Variants in STPG2 observed in about 807,000 individuals in gnomAD.
STPG2 encodes sperm-tail PG-rich repeat-containing protein 2.
A neutral mutation model predicts 54.2 loss-of-function variants in STPG2; 56 were observed. That is an observed-to-expected ratio of 1.03 (90% confidence interval 0.83 to 1.29). The LOEUF (loss-of-function observed/expected upper bound fraction) is 1.29. Ranked by LOEUF, STPG2 falls within the 50% of genes most tolerant of loss-of-function variation. STPG2 has a pLI of 0.00. For synonymous variants in STPG2, 200 were observed against 181.8 expected (o/e 1.10, Z -0.81); for missense variants, 596 against 544.9 (o/e 1.09, Z -0.93).
intron 6 of STPG2, among the ~76,000 whole-genome samples, chr4:97,976,266 A>G (rs186028867): frequency 1.3e-4 from 20 of 152,296 alleles, no homozygotes; most frequent in Admixed American, 1.1e-3. Context: ...GATAAACACA[A>G]AGTATAATGA....
At chr4:97,906,549 C>T (rs1041336653) in intron 8 of STPG2, among the ~76,000 whole-genome samples, 1 of 152,136 alleles carries the variant, frequency 6.6e-6, no homozygotes, top group Non-Finnish European at 1.5e-5. Flanking sequence ...CAAAGCCTGG[C>T]AGAGACACAA....
At chr4:97,762,492 A>G (rs1462084621) in intron 9 of STPG2, among the ~76,000 whole-genome samples, 1 of 152,166 alleles carries the variant, frequency 6.6e-6, no homozygotes, top group East Asian at 1.9e-4. Flanking sequence ...CTCCCTATGA[A>G]AAGAATCCCA....
chr4:97,966,376 A>G (rs1170118358), intron 7 of STPG2, among the ~76,000 whole-genome samples: 1 of 152,236 alleles, frequency 6.6e-6, no homozygotes, highest in Middle Eastern at 3.2e-3. Context: ...GGACTATGTG[A>G]AAAGAATAAA....
intron 4 of STPG2, among the ~76,000 whole-genome samples, chr4:97,464,375 G>A (rs1729739275): frequency 6.6e-6 from 1 of 152,092 alleles, no homozygotes; most frequent in Non-Finnish European, 1.5e-5. Context: ...ACTAGTAGTG[G>A]TGCCACTGTT....
At chr4:97,552,639 A>G (rs1169206496) in intron 4 of STPG2, among the ~76,000 whole-genome samples, 1 of 152,166 alleles carries the variant, frequency 6.6e-6, no homozygotes, top group Non-Finnish European at 1.5e-5. Context: ...CAAAACATAT[A>G]TGTTGAAATT....
chr4:97,827,183 C>T (rs112957089), intron 9 of STPG2, among the ~76,000 whole-genome samples: 6 of 150,856 alleles, frequency 4.0e-5, no homozygotes, highest in Admixed American at 1.3e-4. Flanking sequence ...TAAAATGTTG[C>T]TGATCCTTTG....
intron 4 of STPG2, among the ~76,000 whole-genome samples, chr4:97,452,120 ACC>A (rs70953067): frequency 0.049 from 954 of 19,410 alleles, 19 homozygotes; most frequent in South Asian, 0.13. Context: ...CCCCGCCCCC[ACC>A]CCCCCCCCCC....
At chr4:98,036,003 G>A (rs1439500767) in intron 5 of STPG2, among the ~76,000 whole-genome samples, 1 of 151,986 alleles carries the variant, frequency 6.6e-6, no homozygotes, top group Non-Finnish European at 1.5e-5. Flanking sequence ...TAGATGATGG[G>A]TTTATGGGTG....
At chr4:97,712,387 T>C (rs1724150409) in intron 10 of STPG2, among the ~76,000 whole-genome samples, 1 of 152,142 alleles carries the variant, frequency 6.6e-6, no homozygotes. Flanking sequence ...ACTAAGAGAT[T>C]TCAATGTATG....
intron 10 of STPG2, among the ~76,000 whole-genome samples, chr4:97,567,759 GATAAA>G (rs1402307667): frequency 2.0e-5 from 3 of 151,928 alleles, no homozygotes; most frequent in Admixed American, 6.6e-5. Context: ...ATTACATATA[GATAAA>G]ATAAAGAATA....
intron 10 of STPG2, among the ~76,000 whole-genome samples, chr4:97,626,508 T>C (rs1474915966): frequency 6.6e-6 from 1 of 152,234 alleles, no homozygotes; most frequent in Admixed American, 6.5e-5. Context: ...CATAAGTTGG[T>C]AATTAGTCTT....
chr4:97,688,427 C>T (rs993651878), intron 10 of STPG2, among the ~76,000 whole-genome samples: 12 of 152,090 alleles, frequency 7.9e-5, no homozygotes, highest in Non-Finnish European at 1.5e-4. Context: ...AGTACAGTAG[C>T]GCAATCTCGG....
At chr4:97,814,360 ACTCTGTCACCCAGG>A in intron 9 of STPG2, among the ~76,000 whole-genome samples, 1 of 151,964 alleles carries the variant, frequency 6.6e-6, no homozygotes, top group East Asian at 1.9e-4. Flanking sequence ...ACAGAGTCTC[ACTCTGTCACCCAGG>A]CTGGAGTGCA....
chr4:97,815,282 C>A (rs113976364), intron 9 of STPG2, among the ~76,000 whole-genome samples: 2,759 of 152,064 alleles, frequency 0.018, 76 homozygotes, highest in African/African-American at 0.063. Context: ...CTTGACTATC[C>A]CTTATCCAAA....
intron 8 of STPG2, among the ~76,000 whole-genome samples, chr4:97,933,566 T>A (rs542333055): frequency 1.3e-5 from 2 of 152,344 alleles, no homozygotes; most frequent in Admixed American, 1.3e-4. Context: ...GGATCCAGTT[T>A]CAATTTTCTG....
chr4:98,127,891 T>C (rs1019926122), intron 3 of STPG2, among the ~76,000 whole-genome samples: 1 of 152,214 alleles, frequency 6.6e-6, no homozygotes, highest in Admixed American at 6.5e-5. Context: ...CAAATTCTTT[T>C]AAAAATAAAA....
intron 8 of STPG2, among the ~76,000 whole-genome samples, chr4:97,923,585 A>G (rs895700073): frequency 3.9e-5 from 6 of 152,200 alleles, no homozygotes; most frequent in Non-Finnish European, 7.3e-5. Context: ...AAATGCATCA[A>G]TCAGCACTCT....
intron 9 of STPG2, among the ~76,000 whole-genome samples, chr4:97,763,866 G>T (rs1333708633): frequency 2.0e-5 from 3 of 152,076 alleles, no homozygotes; most frequent in African/African-American, 7.2e-5. Context: ...ACTCTAAGAT[G>T]ATAATATCAG....
intron 8 of STPG2, among the ~76,000 whole-genome samples, chr4:97,924,106 G>A (rs893661222): frequency 3.3e-5 from 5 of 152,110 alleles, no homozygotes; most frequent in Non-Finnish European, 4.4e-5. Flanking sequence ...AACACTCACC[G>A]CGAAGGTCTG....
Sources: gnomAD v4.1 joint callset for allele counts (sites outside exome capture counted in the v4.1 genomes callset) on GRCh38, gnomAD v4.1.1 for gene constraint, MANE v1.5 for transcripts, NCBI Gene and HGNC (gene_info 2026-07-23, HGNC 2026-07-21) for gene names.